The following LRRC7 variants were observed in gnomAD, a reference collection of about 807,000 sequenced individuals.
The protein encoded by LRRC7 is leucine-rich repeat-containing protein 7.
A neutral mutation model predicts 175.7 loss-of-function variants in LRRC7; 23 were observed. The observed-to-expected ratio is 0.13, with a 90% CI of 0.09 to 0.19. LRRC7 has a LOEUF of 0.19. LRRC7 is among the 10% of genes least tolerant of loss of function. The pLI is 1.00. For missense variants in LRRC7, 1,354 were observed against 1,904.7 expected, an observed-to-expected ratio of 0.71 and a Z score of 5.38; for synonymous variants, 685 against 680.9, an observed-to-expected ratio of 1.01 and a Z score of -0.09.
Position 69,582,336 on chromosome 1 carries a change from T to A in LRRC7, c.2+13695T>A, listed in dbSNP as rs1260260536. Among the ~76,000 whole-genome samples the A allele has an allele frequency of 4.6e-5, 7 of 152,320 alleles. No individual in the cohort carries two copies. In the East Asian group the frequency reaches 1.4e-3, roughly 29 times the overall value. ...ACACCACAAACATTCATTTCTCCCC[T>A]ACAGACCTGTGGAACAGCAGCAGCT... On this transcript the variant is annotated intron_variant, in intron 1 of 26. Transcript: ENST00000651989.
intron 2 of LRRC7, among the ~76,000 whole-genome samples, chr1:69,716,881 C>A (rs1740910): frequency 0.44 from 66,513 of 151,400 alleles, 14,873 homozygotes; most frequent in Admixed American, 0.5. Flanking sequence ...AATCTCATTG[C>A]TCCATATTAA....
At chr1:69,638,739 A>T (rs1653764599) in intron 1 of LRRC7, among the ~76,000 whole-genome samples, 1 of 151,724 alleles carries the variant, frequency 6.6e-6, no homozygotes, top group Non-Finnish European at 1.5e-5. Context: ...ATGAAAGTAC[A>T]ATGTTCTCCA....
At chr1:69,954,843 T>G (rs920115084) in intron 8 of LRRC7, among the ~76,000 whole-genome samples, 2 of 152,080 alleles carry the variant, frequency 1.3e-5, no homozygotes, top group Non-Finnish European at 2.9e-5. Flanking sequence ...TATAATTAAT[T>G]CACTTGGGCA....
chr1:69,742,478 A>G (rs906900753), intron 2 of LRRC7, among the ~76,000 whole-genome samples: 5 of 151,878 alleles, frequency 3.3e-5, no homozygotes, highest in African/African-American at 1.2e-4. Flanking sequence ...TGTGTTTAGC[A>G]TCTTTAGATT....
At chr1:69,982,141 T>C (rs1030784435) in intron 9 of LRRC7, among the ~76,000 whole-genome samples, 1 of 152,230 alleles carries the variant, frequency 6.6e-6, no homozygotes, top group African/African-American at 2.4e-5. Context: ...AATTTCTCAA[T>C]AAGTTTGTTA....
chr1:69,642,858 T>TA (rs1654441784), intron 1 of LRRC7, among the ~76,000 whole-genome samples: 2 of 87,456 alleles, frequency 2.3e-5, no homozygotes, highest in African/African-American at 8.7e-5. Flanking sequence ...ATAGATAGAT[T>TA]ATACGATTGA....
intron 8 of LRRC7, 109 bp from the exon 9 acceptor site, chr1:69,980,270 A>T (rs1369239125): frequency 1.1e-6 from 1 of 952,028 alleles, no homozygotes; most frequent in Non-Finnish European, 1.7e-6. Flanking sequence ...TTAACACTAG[A>T]TTCCCAAATA....
chr1:69,946,657 T>C (rs1189889394), intron 8 of LRRC7, among the ~76,000 whole-genome samples: 1 of 141,054 alleles, frequency 7.1e-6, no homozygotes, highest in Non-Finnish European at 1.6e-5. Flanking sequence ...ATAATGTTCT[T>C]TATTTATTTT....
At position 69,702,961 on chromosome 1, in the gene LRRC7, A is replaced by G. The variant is rs112824019; in HGVS notation, c.100+24483A>G. Among the ~76,000 whole-genome samples the G allele has an allele frequency of 7.1e-3, 1,079 of 152,196 alleles. 18 individuals carry two copies. The highest frequency in any genetic ancestry group is 0.024 in the African/African-American group (1,013 of 41,542). On this transcript the variant is annotated intron_variant, in intron 2 of 26. Transcript: ENST00000651989. ...AGATGTGTTTTCCTCTCCTAGGATC[A>G]ATTGCAGTGTTTATTACATGGACGT... is the stretch of plus-strand genomic sequence containing the variant.
chr1:69,618,786 T>C (rs1173655679), intron 1 of LRRC7, among the ~76,000 whole-genome samples: 1 of 152,192 alleles, frequency 6.6e-6, no homozygotes, highest in African/African-American at 2.4e-5. Flanking sequence ...AGCTATAGGA[T>C]CCTGTAAACT....
At chr1:69,614,502 G>T (rs1649309411) in intron 1 of LRRC7, among the ~76,000 whole-genome samples, 1 of 151,958 alleles carries the variant, frequency 6.6e-6, no homozygotes, top group Admixed American at 6.6e-5. Context: ...TTACCTATTA[G>T]TACTGTAGGC....
At chr1:69,781,913 G>GAAGAAAGAAAGAAAGAAAGAAA (rs1673772747) in intron 3 of LRRC7, among the ~76,000 whole-genome samples, 1 of 68,032 alleles carries the variant, frequency 1.5e-5, no homozygotes, top group African/African-American at 6.8e-5. Flanking sequence ...GAAAGAAAAA[G>GAAGAAAGAAAGAAAGAAAGAAA]AAGAAAGAAA....
At chr1:69,653,283 C>CT (rs34419253) in intron 1 of LRRC7, among the ~76,000 whole-genome samples, 67,453 of 137,914 alleles carry the variant, frequency 0.49, 15,540 homozygotes, top group African/African-American at 0.59. Flanking sequence ...AATTTAAAAA[C>CT]TTTTTTTTAA....
rs894061002 is a variant in LRRC7 at position 70,016,681 on chromosome 1, T to C, written c.1320+147T>C. The stretch of plus-strand genomic sequence containing the variant: ...CCAGAAAGAGAGAATTTTGTAAAGA[T>C]AGCAATTCAAACATTGCTGAAGTCA... On this transcript the variant is annotated intron_variant, in intron 14 of 26. Transcript: ENST00000651989. 30 of 601,148 alleles carry C rather than the reference T, an allele frequency of 5.0e-5. No individual in the cohort carries two copies. In the African/African-American group the frequency reaches 5.3e-4, roughly 11 times the overall value. 37.2% of individuals were successfully genotyped at this position (601,148 alleles called of 1,614,324 possible). A position where few individuals can be genotyped will look rare whatever the true frequency, so the allele number is the denominator to read the frequency against.
At chr1:69,887,387 C>A (rs1008400826) in intron 7 of LRRC7, among the ~76,000 whole-genome samples, 5 of 139,736 alleles carry the variant, frequency 3.6e-5, no homozygotes, top group Admixed American at 7.0e-5. Context: ...ATTGCTGATA[C>A]CCTTTCTTCC....
At chr1:69,924,702 G>A (rs1461873347) in intron 7 of LRRC7, among the ~76,000 whole-genome samples, 1 of 152,154 alleles carries the variant, frequency 6.6e-6, no homozygotes, top group Non-Finnish European at 1.5e-5. Context: ...ATTTTGGGCT[G>A]AGACAATGGG....
At chr1:69,757,922 C>T (rs1480947160) in intron 2 of LRRC7, among the ~76,000 whole-genome samples, 1 of 151,784 alleles carries the variant, frequency 6.6e-6, no homozygotes, top group East Asian at 1.9e-4. Flanking sequence ...TCTCCCATAG[C>T]CTCTCTTTCC....
rs1434738109 is a variant in LRRC7, at chr1:69,728,488, G to T, written c.101-31703G>T. On this transcript the variant is annotated intron_variant, in intron 2 of 26. Coordinates refer to ENST00000651989, the MANE Select transcript of LRRC7 (RefSeq NM_001370785.2). ...TCATTGGCTTCACCTACTGTGCAGT[G>T]TACTCCTTGTGAACAAGACAGATTA... Among the ~76,000 whole-genome samples the T allele has an allele frequency of 3.3e-5, 5 of 151,770 alleles. No individual in the cohort carries two copies. In the East Asian group the frequency reaches 9.8e-4, roughly 30 times the overall value.
intron 2 of LRRC7, among the ~76,000 whole-genome samples, chr1:69,731,683 A>T (rs1257218321): frequency 6.6e-6 from 1 of 152,206 alleles, no homozygotes; most frequent in Non-Finnish European, 1.5e-5. Context: ...ACCAATTTGA[A>T]AAACATTATC....
Sources: gnomAD v4.1 joint callset for allele counts (sites outside exome capture counted in the v4.1 genomes callset) on GRCh38, gnomAD v4.1.1 for gene constraint, MANE v1.5 for transcripts, NCBI Gene and HGNC (gene_info 2026-07-23, HGNC 2026-07-21) for gene names.